The following EIF4G1 variants were observed in gnomAD, a reference collection of about 807,000 sequenced individuals.
EIF4G1 encodes eukaryotic translation initiation factor 4 gamma 1.
Under a neutral mutation model 187.8 loss-of-function variants are expected in EIF4G1, and 4 were observed. The observed-to-expected ratio is 0.02, with a 90% CI of 0.01 to 0.05. EIF4G1 has a LOEUF of 0.05. Among genes scored for constraint, EIF4G1 ranks in the 10% least tolerant of loss-of-function variants. EIF4G1 has a pLI of 1.00. For synonymous variants in EIF4G1, 844 were observed against 781.4 expected (o/e 1.08, Z -1.34); for missense variants, 1,647 against 2,081.1 (o/e 0.79, Z 4.06).
Position 184,322,421 on chromosome 3 carries a change from G to T in EIF4G1, c.1579G>T (p.Val527Phe). ...KIKELNKKEAVGDLLDAFKEA... is the reference protein window; with the variant it reads ...KIKELNKKEAFGDLLDAFKEA... ...TAAGGAGCTAAATAAGAAGGAGGCT[G>T]TTGGAGACCTTCTGGATGCCTTCAA... The change falls in exon 11 of 33, where the codon GTT becomes TTT. Residue 527 changes from valine (V) to phenylalanine (F), a missense_variant. Coordinates refer to ENST00000346169, the MANE Select transcript of EIF4G1 (RefSeq NM_198241.3). The T allele has an allele frequency of 6.2e-7, 1 of 1,614,228 alleles. No individual in the cohort carries two copies. The highest frequency in any genetic ancestry group is 8.5e-7 in the Non-Finnish European group (1 of 1,180,042).
At position 184,329,042 on chromosome 3, in the gene EIF4G1, G is replaced by C. The variant is rs753250798; in HGVS notation, c.4161+52G>C. 2.5e-6 allele frequency: 4 copies of C among 1,602,130 alleles called. No homozygotes were observed. The African/African-American group carries it at 5.4e-5, about 21-fold the overall frequency. The stretch of plus-strand genomic sequence containing the variant: ...TGCCTCCCACGGTGTGGTTTTGGCT[G>C]TTTGCTGTGGCCCTGAAGCTTCATG... On this transcript the variant is annotated intron_variant, in intron 28 of 32. Transcript: ENST00000346169.
At position 184,323,771 on chromosome 3, in the gene EIF4G1, T is replaced by G; in HGVS notation, c.2275-9T>G. 1.2e-6 allele frequency: 2 copies of G among 1,613,424 alleles called. No individual in the cohort carries two copies. The highest frequency in any genetic ancestry group is 1.7e-6 in the Non-Finnish European group (2 of 1,180,040). On this transcript the variant is annotated splice_polypyrimidine_tract_variant and intron_variant, in intron 15 of 32. Coordinates refer to ENST00000346169, the MANE Select transcript of EIF4G1 (RefSeq NM_198241.3). This position sits in a 1 kb window ranked among gnomAD's most constrained non-coding sequence, Gnocchi z 6.9. Reference sequence around the variant, plus strand: ...CCCTCACTGGAACTCTTGTCTCTTCTCCCTCCAGGACCTATTCCGCAGGGT... The same window carrying G: ...CCCTCACTGGAACTCTTGTCTCTTCGCCCTCCAGGACCTATTCCGCAGGGT...
intron 32 of EIF4G1, among the ~76,000 whole-genome samples, chr3:184,333,916 A>G (rs1252854290): frequency 6.6e-6 from 1 of 152,108 alleles, no homozygotes; most frequent in African/African-American, 2.4e-5. Context: ...CTGCCCTGCT[A>G]TGGCCCATTG....
chr3:184,320,433 C>T (rs1171754981), intron 7 of EIF4G1, 197 bp from the exon 8 acceptor site: 8 of 1,487,080 alleles, frequency 5.4e-6, no homozygotes, highest in Admixed American at 2.1e-5. Context: ...GATCAAGGGT[C>T]TCTTAAGGGT....
chr3:184,332,118 G>A (rs1448461178), intron 32 of EIF4G1, 32 bp downstream of exon 32: 8 of 1,614,018 alleles, frequency 5.0e-6, no homozygotes, highest in Non-Finnish European at 5.9e-6. Flanking sequence ...CAGGGGTGGG[G>A]TGGAGGGACT....
In EIF4G1 at chr3:184,323,616, G is replaced by T. The variant is rs775154263; in HGVS notation, c.2274+23G>T. ...CAGGTACTGGCAAGTCCTGCTTTTG[G>T]TCTCTCTCCATTTCTTCTCCAGGTC... is the stretch of plus-strand genomic sequence containing the variant. On this transcript the variant is annotated intron_variant, in intron 15 of 32. Transcript: ENST00000346169. This position sits in a 1 kb window ranked among gnomAD's most constrained non-coding sequence, Gnocchi z 6.9. 2 of 1,613,658 alleles carry T rather than the reference G, an allele frequency of 1.2e-6. No individual in the cohort carries two copies. Among genetic ancestry groups the T allele is most frequent in the South Asian group, 1.1e-5 (1 of 91,072 alleles).
chr3:184,317,068 C>T (rs1268439592), intron 4 of EIF4G1, among the ~76,000 whole-genome samples: 2 of 151,978 alleles, frequency 1.3e-5, no homozygotes, highest in Admixed American at 1.3e-4. Flanking sequence ...GTAGAGGTGA[C>T]GTGTGTATGC....
At chr3:184,320,799 C>T in intron 8 of EIF4G1, 77 bp downstream of exon 8, 3 of 1,609,688 alleles carry the variant, frequency 1.9e-6, no homozygotes, top group Non-Finnish European at 2.5e-6. Flanking sequence ...TGGATCTTTT[C>T]TTTCAACTAA....
chr3:184,319,392 GGT>G, intron 6 of EIF4G1: 2 of 460,584 alleles, frequency 4.3e-6, no homozygotes, highest in South Asian at 4.2e-5. Flanking sequence ...CCTGGTCACT[GGT>G]GTGTGGTAGG....
intron 17 of EIF4G1, 41 bp downstream of exon 17, chr3:184,324,388 T>A: frequency 6.2e-7 from 1 of 1,613,656 alleles, no homozygotes; most frequent in Non-Finnish European, 8.5e-7. Flanking sequence ...ACCACTTACC[T>A]CCTTCCCTTA....
rs772383016 is a variant in EIF4G1, at chr3:184,317,699, C to CT, written c.325-17dup. On this transcript the variant is annotated splice_polypyrimidine_tract_variant and intron_variant, in intron 5 of 32. Coordinates refer to ENST00000346169, the MANE Select transcript of EIF4G1 (RefSeq NM_198241.3). ...AGCTCCCTCAACTCCTTCTCTCCCTCTCCCCCTTCCCCACCAGGGGCGTTC... is the reference window on the plus strand; with the variant it reads ...AGCTCCCTCAACTCCTTCTCTCCCTCTTCCCCCTTCCCCACCAGGGGCGTTC... The CT allele has an allele frequency of 9.3e-6, 15 of 1,607,596 alleles. No individual in the cohort carries two copies. Among genetic ancestry groups the CT allele is most frequent in the Middle Eastern group, 1.6e-4 (1 of 6,070 alleles).
chr3:184,316,654 C>A, intron 4 of EIF4G1: 2 of 1,519,762 alleles, frequency 1.3e-6, no homozygotes, highest in Non-Finnish European at 1.8e-6. Context: ...CCTTCATTCC[C>A]TCCCCCCGCC....
At position 184,324,464 on chromosome 3, in the gene EIF4G1, C is replaced by G. The variant is rs570043536; in HGVS notation, c.2619+117C>G. The G allele has an allele frequency of 7.3e-6, 11 of 1,507,370 alleles. No homozygotes were observed. In the South Asian group the frequency reaches 8.1e-5, roughly 11 times the overall value. 93.4% of individuals were successfully genotyped at this position (1,507,370 alleles called of 1,614,324 possible). A position where few individuals can be genotyped will look rare whatever the true frequency, so the allele number is the denominator to read the frequency against. ...TGGTGTCTTGGGGATTTCTCTGGCT[C>G]AGGACGTTTTTTTTCCTTTTTGAGA... is the stretch of plus-strand genomic sequence containing the variant. On this transcript the variant is annotated intron_variant, in intron 17 of 32. Coordinates refer to ENST00000346169, the MANE Select transcript of EIF4G1 (RefSeq NM_198241.3).
intron 6 of EIF4G1, among the ~76,000 whole-genome samples, chr3:184,318,354 G>A (rs1403362746): frequency 2.0e-5 from 3 of 152,178 alleles, no homozygotes; most frequent in African/African-American, 4.8e-5. Context: ...GAATGTGCCC[G>A]GATCTTGCTT....
In EIF4G1 at chr3:184,322,662, C is replaced by T. The variant is rs1683438225; in HGVS notation, c.1727C>T (p.Ser576Leu). Reference protein sequence around the residue: ...RPEEADETWDSKEDKIHNAEN... With the variant: ...RPEEADETWDLKEDKIHNAEN... ...GAGGAAGCAGATGAGACCTGGGACT[C>T]AAAGGAAGACAAAATTCACAATGCT... The change falls in exon 12 of 33, where the codon TCA (serine) becomes TTA (leucine). Residue 576 changes from serine (S) to leucine (L), a missense_variant. Transcript: ENST00000346169. The T allele has an allele frequency of 6.2e-7, 1 of 1,614,048 alleles. No homozygotes were observed. The highest frequency in any genetic ancestry group is 1.3e-5 in the African/African-American group (1 of 74,908).
intron 26 of EIF4G1, 120 bp downstream of exon 26, chr3:184,328,122 G>A (rs144634629): frequency 4.4e-5 from 53 of 1,211,556 alleles, no homozygotes; most frequent in Non-Finnish European, 5.4e-5. Flanking sequence ...GGTGGCTTAT[G>A]CCTGTAATCC....
intron 31 of EIF4G1, 26 bp from the exon 32 acceptor site, chr3:184,331,920 C>T (rs1275837941): frequency 1.2e-6 from 2 of 1,614,072 alleles, no homozygotes; most frequent in Non-Finnish European, 1.7e-6. Flanking sequence ...GGGTATATTG[C>T]TCCACTCATC....
Position 184,323,646 on chromosome 3 carries a change from A to G in EIF4G1, c.2274+53A>G, listed in dbSNP as rs1724307048. 68 of 1,612,640 alleles carry G rather than the reference A, an allele frequency of 4.2e-5. 1 individual carries two copies. In the South Asian group the frequency reaches 6.7e-4, roughly 16 times the overall value. ...TCTCCATTTCTTCTCCAGGTCTGCC[A>G]TCTGTGCCCTCTTTGCTTCTTTTTG... On this transcript the variant is annotated intron_variant, in intron 15 of 32. Transcript: ENST00000346169. This position sits in a 1 kb window ranked among gnomAD's most constrained non-coding sequence, Gnocchi z 6.9.
In EIF4G1 at chr3:184,322,048, T is replaced by A; in HGVS notation, c.1464T>A (p.Ser488Arg). The A allele has an allele frequency of 6.2e-7, 1 of 1,613,800 alleles. No individual in the cohort carries two copies. The highest frequency in any genetic ancestry group is 8.5e-7 in the Non-Finnish European group (1 of 1,179,952). Residue 488 changes from serine to arginine, a missense_variant, in exon 10 of 33, where the codon AGT becomes AGA. Transcript: ENST00000346169. Reference sequence around the variant, plus strand: ...GAGAGGAACTGCTCCCCCCAGAGAGTACCCCTATTCCAGCCAACTTGTCTC... The same window carrying A: ...GAGAGGAACTGCTCCCCCCAGAGAGAACCCCTATTCCAGCCAACTTGTCTC... The part of the protein sequence containing the change: ...KGGEELLPPE[S>R]TPIPANLSQN...
Sources: gnomAD v4.1 joint callset for allele counts (sites outside exome capture counted in the v4.1 genomes callset) on GRCh38, gnomAD v4.1.1 for gene constraint, Gnocchi (gnomAD v3.1) non-coding constraint, MANE v1.5 for transcripts, NCBI Gene and HGNC (gene_info 2026-07-23, HGNC 2026-07-21) for gene names.